Variants in ADGRL2 observed in about 807,000 individuals in gnomAD.
The protein encoded by ADGRL2 is calcium-independent alpha-latrotoxin receptor 2.
ADGRL2 carries 44 observed loss-of-function variants against 157.4 expected under a neutral mutation model. That is an observed-to-expected ratio of 0.28 (90% CI 0.22 to 0.36). ADGRL2 has a LOEUF of 0.36. Among genes scored for constraint, ADGRL2 ranks in the 10% least tolerant of loss-of-function variants. ADGRL2 has a pLI of 1.00. For synonymous variants in ADGRL2, 585 were observed against 624.7 expected (o/e 0.94, Z 0.95); for missense variants, 1,510 against 1,768.9 (o/e 0.85, Z 2.63).
chr1:81,896,561 CA>C, intron 2 of ADGRL2, among the ~76,000 whole-genome samples: 1 of 151,992 alleles, frequency 6.6e-6, no homozygotes, highest in Non-Finnish European at 1.5e-5. Flanking sequence ...TTTATAAACT[CA>C]AAACTTTAAT....
chr1:81,487,282 AAG>A (rs977474217), intron 2 of ADGRL2, among the ~76,000 whole-genome samples: 1 of 151,954 alleles, frequency 6.6e-6, no homozygotes, highest in African/African-American at 2.4e-5. Flanking sequence ...GGAAAAGAAA[AAG>A]AAATGTATAA....
intron 2 of ADGRL2, among the ~76,000 whole-genome samples, chr1:81,566,390 T>A (rs1024877626): frequency 1.3e-5 from 2 of 152,186 alleles, no homozygotes; most frequent in Non-Finnish European, 2.9e-5. Context: ...TCCATCATAG[T>A]TGAGACCGGA....
At chr1:81,790,755 G>A (rs946508793) in intron 2 of ADGRL2, among the ~76,000 whole-genome samples, 2 of 152,148 alleles carry the variant, frequency 1.3e-5, no homozygotes, top group African/African-American at 4.8e-5. Flanking sequence ...GAGAATAAGT[G>A]AAATGTTTCA....
chr1:81,875,906 C>T lies in ADGRL2; in HGVS notation c.74-31111C>T, dbSNP rs149391534. ...AGTATGTCCTTCACTTGAACTTTCT[C>T]CCTTGTAAATCAATTATGCATTTGC... On this transcript the variant is annotated intron_variant, in intron 2 of 23. Transcript: ENST00000686636. Among the ~76,000 whole-genome samples, 303 of 152,270 alleles carry T rather than the reference C, an allele frequency of 2.0e-3. 1 individual carries two copies. Among genetic ancestry groups the T allele is most frequent in the Admixed American group, 3.8e-3 (58 of 15,294 alleles).
chr1:81,426,264 T>A (rs2077213822), intron 1 of ADGRL2, among the ~76,000 whole-genome samples: 1 of 152,098 alleles, frequency 6.6e-6, no homozygotes, highest in African/African-American at 2.4e-5. Flanking sequence ...AAGACACCTG[T>A]CATATGAGGG....
rs1383386385 is a variant in ADGRL2 at position 81,383,793 on chromosome 1, T to C, written c.-301-61243T>C. ...TCCTGGCTAACACGGTGAACTCCCA[T>C]CTCTACTAAAAATACAAAAAAAAAA... On this transcript the variant is annotated intron_variant, in intron 1 of 24. Transcript: ENST00000370721. 2.3e-4 allele frequency among the ~76,000 whole-genome samples: 29 copies of C among 127,398 alleles called. 1 individual carries two copies. In the Admixed American group the frequency reaches 2.3e-3, roughly 10 times the overall value. The allele number at this position is 127,398 out of a possible 152,430, so 83.6% of individuals were successfully genotyped here.
intron 3 of ADGRL2, among the ~76,000 whole-genome samples, chr1:81,689,308 A>T (rs1194856853): frequency 1.3e-5 from 2 of 152,194 alleles, no homozygotes; most frequent in East Asian, 3.9e-4. Flanking sequence ...CACCCAAAAG[A>T]ATGTTAGATT....
chr1:81,378,566 T>TAAAAAAAAAAAAAAA (rs58850012), intron 1 of ADGRL2, among the ~76,000 whole-genome samples: 1 of 101,326 alleles, frequency 9.9e-6, no homozygotes. Flanking sequence ...CCTTGTATCT[T>TAAAAAAAAAAAAAAA]AAAAAAAAAA....
At chr1:81,554,485 T>G (rs1401206714) in intron 2 of ADGRL2, among the ~76,000 whole-genome samples, 1 of 152,120 alleles carries the variant, frequency 6.6e-6, no homozygotes, top group Non-Finnish European at 1.5e-5. Context: ...TTTCTCTTTT[T>G]TTTTTTGGCA....
intron 3 of ADGRL2, among the ~76,000 whole-genome samples, chr1:81,917,391 A>T (rs954117877): frequency 6.6e-6 from 1 of 152,032 alleles, no homozygotes; most frequent in African/African-American, 2.4e-5. Flanking sequence ...TTTCTTTGCT[A>T]TGTATTTTCT....
chr1:81,572,866 T>C (rs940558457), intron 2 of ADGRL2, among the ~76,000 whole-genome samples: 24 of 151,552 alleles, frequency 1.6e-4, no homozygotes, highest in Non-Finnish European at 3.1e-4. Flanking sequence ...TGTTTTGAAA[T>C]GTATTTGATA....
intron 2 of ADGRL2, among the ~76,000 whole-genome samples, chr1:81,517,262 A>G (rs1011128525): frequency 2.0e-5 from 3 of 151,892 alleles, no homozygotes; most frequent in African/African-American, 7.3e-5. Context: ...TACAAGGTCC[A>G]GAGTTCAAGA....
chr1:81,642,882 A>AT, intron 3 of ADGRL2, among the ~76,000 whole-genome samples: 1 of 152,184 alleles, frequency 6.6e-6, no homozygotes, highest in Non-Finnish European at 1.5e-5. Context: ...TTCACCACCA[A>AT]TTTGTTGTAA....
At chr1:81,383,968 G>GAA (rs2076391159) in intron 1 of ADGRL2, among the ~76,000 whole-genome samples, 2 of 141,998 alleles carry the variant, frequency 1.4e-5, no homozygotes, top group African/African-American at 2.5e-5. Flanking sequence ...AAAAAAAAAA[G>GAA]AAAAGAAAAG....
chr1:81,392,798 T>C (rs10874234), intron 1 of ADGRL2, among the ~76,000 whole-genome samples: 89,915 of 151,740 alleles, frequency 0.59, 27,111 homozygotes, highest in East Asian at 0.94. Context: ...ATATATGTTT[T>C]ATAAAGTCAC....
At chr1:81,960,732 C>T (rs1362472621) in intron 11 of ADGRL2, among the ~76,000 whole-genome samples, 3 of 152,138 alleles carry the variant, frequency 2.0e-5, no homozygotes, top group Non-Finnish European at 4.4e-5. Context: ...CTTAGCCTCC[C>T]AAAGTGCTGG....
intron 1 of ADGRL2, among the ~76,000 whole-genome samples, chr1:81,336,786 C>A (rs1661671711): frequency 1.3e-5 from 2 of 152,108 alleles, no homozygotes; most frequent in South Asian, 2.1e-4. Flanking sequence ...CACCCTCGAG[C>A]CTGGACAAGT....
At chr1:81,437,400 G>C (rs1287444250) in intron 1 of ADGRL2, among the ~76,000 whole-genome samples, 2 of 152,064 alleles carry the variant, frequency 1.3e-5, no homozygotes, top group East Asian at 3.9e-4. Flanking sequence ...AACAGGCCTT[G>C]TGTTATCATC....
chr1:81,389,075 C>A (rs1312078945), intron 1 of ADGRL2, among the ~76,000 whole-genome samples: 1 of 152,144 alleles, frequency 6.6e-6, no homozygotes, highest in Non-Finnish European at 1.5e-5. Flanking sequence ...GGATCCCCAC[C>A]TTTTCATTGA....
Sources: allele counts gnomAD v4.1 joint callset (sites outside exome capture counted in the v4.1 genomes callset), GRCh38; gene constraint gnomAD v4.1.1; transcripts MANE v1.5; gene names NCBI Gene and HGNC (gene_info 2026-07-23, HGNC 2026-07-21).